Variants in CLUAP1 observed in about 807,000 individuals in gnomAD.
CLUAP1 encodes intraflagellar transport 38, also known as clusterin-associated protein 1.
Under a neutral mutation model 55.0 loss-of-function variants are expected in CLUAP1, and 50 were observed. The ratio of observed to expected loss-of-function variants is 0.91; its 90% confidence interval spans 0.72 to 1.15. The LOEUF is 1.15. Ranked by LOEUF, CLUAP1 falls within the 50% of genes most tolerant of loss-of-function variation. The probability of loss-of-function intolerance (pLI) is 0.00; values close to 1 mark genes in which losing one functional copy is unlikely to be tolerated. For missense variants in CLUAP1, 530 were observed against 507.6 expected (o/e 1.04, Z -0.42); for synonymous variants, 195 against 175.4 (o/e 1.11, Z -0.88).
chr16:3,533,321 GTGGAGGCGCAGGCACGGAGCC>G, intron 11 of CLUAP1: 1 of 619,184 alleles, frequency 1.6e-6, no homozygotes, highest in South Asian at 2.0e-5. Flanking sequence ...CTGTGCTAAA[GTGGAGGCGCAGGCACGGAGCC>G]TGGAGGCGGG....
chr16:3,516,617 C>T lies in CLUAP1; in HGVS notation c.579+1026C>T, dbSNP rs181120226. ...CTTGAAATTGGAGGTGTTGGTTAAA[C>T]GCATAGTTTTCAATATATAGATAGG... is the stretch of plus-strand genomic sequence containing the variant. On this transcript the variant is annotated intron_variant, in intron 6 of 11. Transcript: ENST00000576634. 1.8e-3 allele frequency among the ~76,000 whole-genome samples: 275 copies of T among 152,174 alleles called. 1 individual carries two copies. The highest frequency in any genetic ancestry group is 6.3e-3 in the African/African-American group (260 of 41,498).
chr16:3,529,938 A>G (rs553835468), intron 9 of CLUAP1, among the ~76,000 whole-genome samples: 3 of 123,966 alleles, frequency 2.4e-5, no homozygotes, highest in East Asian at 4.2e-4. Flanking sequence ...ATAATAATAT[A>G]TGACAATTAT....
At chr16:3,504,951 C>T in intron 2 of CLUAP1, 120 bp downstream of exon 2, 2 of 682,008 alleles carry the variant, frequency 2.9e-6, no homozygotes, top group South Asian at 3.3e-5. Flanking sequence ...TTTGACAGAC[C>T]CAGCTGTATT....
chr16:3,520,446 C>G (rs958361372), intron 7 of CLUAP1, among the ~76,000 whole-genome samples: 2 of 152,086 alleles, frequency 1.3e-5, no homozygotes, highest in Non-Finnish European at 2.9e-5. Context: ...GATCTTAACT[C>G]TTCTCAAGCA....
chr16:3,496,759 C>T, upstream of CLUAP1: 1 of 484,338 alleles, frequency 2.1e-6, no homozygotes, highest in Non-Finnish European at 4.1e-6. Context: ...CCAGCCGAGG[C>T]TACAAAAACG....
In CLUAP1 at chr16:3,538,268, T is replaced by C. The variant is rs1195805189; in HGVS notation, c.*1997T>C. 1 of 152,026 alleles carries C rather than the reference T, an allele frequency of 6.6e-6. No homozygotes were observed. The highest frequency in any genetic ancestry group is 1.5e-5 in the Non-Finnish European group (1 of 68,022). 9.4% of individuals were successfully genotyped at this position (152,026 alleles called of 1,614,324 possible). A position where few individuals can be genotyped will look rare whatever the true frequency, so the allele number is the denominator to read the frequency against. On this transcript the variant is annotated 3_prime_UTR_variant, in exon 12 of 12. Coordinates refer to ENST00000576634, the MANE Select transcript of CLUAP1 (RefSeq NM_015041.3). ...GAACTTTTGAGTTATTTCTGTCATT[T>C]TTGCTTTTTTCTCTTTCTTTTCCTA... is the stretch of plus-strand genomic sequence containing the variant.
intron 11 of CLUAP1, chr16:3,533,361 AG>A (rs1213290292): frequency 1.8e-6 from 1 of 570,632 alleles, no homozygotes; most frequent in Non-Finnish European, 3.1e-6. Context: ...GGGAAAGCTC[AG>A]GCCGGGCCAT....
chr16:3,508,628 A>T (rs1445442218), intron 4 of CLUAP1, among the ~76,000 whole-genome samples, 160 bp downstream of exon 4: 1 of 152,236 alleles, frequency 6.6e-6, no homozygotes, highest in Non-Finnish European at 1.5e-5. Context: ...TCAAAGTCAC[A>T]ATCCACTAAT....
intron 4 of CLUAP1, 92 bp downstream of exon 4, chr16:3,508,560 C>A: frequency 2.5e-6 from 3 of 1,212,828 alleles, no homozygotes; most frequent in South Asian, 3.6e-5. Flanking sequence ...CGCTGCTTTT[C>A]TTCCTCCTCA....
Position 3,512,454 on chromosome 16 carries a change from G to A in CLUAP1, c.471G>A (p.Leu157=). ...ITSKGASLYD[L]LGMEVELREM... ...CCAAAGGAGCATCTCTGTATGACTT[G>A]CTCGGCATGGAAGTAGAGTTGAGGG... Residue 157 remains leucine (L), a synonymous_variant, in exon 5 of 12, where the codon TTG becomes TTA. Transcript: ENST00000576634. 1 of 1,613,880 alleles carries A rather than the reference G, an allele frequency of 6.2e-7. No individual in the cohort carries two copies. The highest frequency in any genetic ancestry group is 8.5e-7 in the Non-Finnish European group (1 of 1,179,784).
intron 9 of CLUAP1, among the ~76,000 whole-genome samples, chr16:3,526,952 G>A (rs191791658): frequency 4.6e-5 from 7 of 152,100 alleles, no homozygotes; most frequent in Admixed American, 6.5e-5. Flanking sequence ...GAGAGGGGCC[G>A]CTCGCTTTGT....
At chr16:3,534,453 A>T (rs950318101) in intron 11 of CLUAP1, 1 of 152,770 alleles carries the variant, frequency 6.5e-6, no homozygotes, top group Non-Finnish European at 1.5e-5. Flanking sequence ...GCAGGGTGAG[A>T]TGAAGACTCT....
At chr16:3,529,375 ATGTGTG>A (rs60744501) in intron 9 of CLUAP1, among the ~76,000 whole-genome samples, 1 of 107,214 alleles carries the variant, frequency 9.3e-6, no homozygotes, top group African/African-American at 3.7e-5. Context: ...CCAGTTTTGT[ATGTGTG>A]TGTGTGTGTG....
intron 2 of CLUAP1, 41 bp from the exon 3 acceptor site, chr16:3,506,290 C>G: frequency 6.6e-7 from 1 of 1,520,924 alleles, no homozygotes; most frequent in Non-Finnish European, 9.1e-7. Context: ...AGACTTTCTC[C>G]TTGGTTAACC....
chr16:3,528,506 G>C (rs1226626762), intron 9 of CLUAP1, among the ~76,000 whole-genome samples: 1 of 152,150 alleles, frequency 6.6e-6, no homozygotes, highest in African/African-American at 2.4e-5. Flanking sequence ...CCCCTTTTTA[G>C]TTCCATGTCA....
rs145278481 is a variant in CLUAP1 at position 3,536,273 on chromosome 16, C to A, written c.*2C>A. 11 of 1,613,672 alleles carry A rather than the reference C, an allele frequency of 6.8e-6. No individual in the cohort carries two copies. Among genetic ancestry groups the A allele is most frequent in the South Asian group, 2.2e-5 (2 of 91,054 alleles). On this transcript the variant is annotated 3_prime_UTR_variant, in exon 12 of 12. Coordinates refer to ENST00000576634, the MANE Select transcript of CLUAP1 (RefSeq NM_015041.3). ...GATGAGAGTGACAATGACTTCTGACCCTTTTGCCAAGGGACCCTGGCAGAT... is the reference window on the plus strand; with the variant it reads ...GATGAGAGTGACAATGACTTCTGACACTTTTGCCAAGGGACCCTGGCAGAT...
chr16:3,501,047 GCT>G lies in CLUAP1; in HGVS notation c.-19_-18del, dbSNP rs752461135. On this transcript the variant is annotated 5_prime_UTR_variant, in exon 1 of 12. Coordinates refer to ENST00000576634, the MANE Select transcript of CLUAP1 (RefSeq NM_015041.3). ...GAGGGGCGAGCAGTTGCGACCCTGG[GCT>G]CCTGGGGACCTGAGCGTTATGTCTT... 3 of 1,598,554 alleles carry G rather than the reference GCT, an allele frequency of 1.9e-6. No homozygotes were observed. Among genetic ancestry groups the G allele is most frequent in the Non-Finnish European group, 2.6e-6 (3 of 1,175,616 alleles).
chr16:3,505,623 G>C (rs1334396317), intron 2 of CLUAP1, among the ~76,000 whole-genome samples: 3 of 151,752 alleles, frequency 2.0e-5, no homozygotes, highest in Admixed American at 6.6e-5. Flanking sequence ...AGGAAGTCGT[G>C]AAAGGAGACG....
upstream of CLUAP1, among the ~76,000 whole-genome samples, chr16:3,500,161 G>T (rs2037359441): frequency 6.6e-6 from 1 of 152,194 alleles, no homozygotes; most frequent in African/African-American, 2.4e-5. Context: ...CAGAGGCTAG[G>T]GCTGCCGGGA....
Sources: gnomAD v4.1 joint callset for allele counts (sites outside exome capture counted in the v4.1 genomes callset) on GRCh38, gnomAD v4.1.1 for gene constraint, MANE v1.5 for transcripts, NCBI Gene and HGNC (gene_info 2026-07-23, HGNC 2026-07-21) for gene names.